EFS: variants seen among roughly 807,000 people sequenced by gnomAD.
EFS encodes embryonal Fyn-associated substrate.
EFS carries 34 observed loss-of-function variants against 42.2 expected under a neutral mutation model. The ratio of observed to expected loss-of-function variants is 0.81; its 90% confidence interval spans 0.61 to 1.07. EFS has a LOEUF of 1.07. Among genes scored for constraint, EFS ranks in the 50% least tolerant of loss-of-function variants. EFS has a pLI of 0.00. For missense variants in EFS, 717 were observed against 729.4 expected (o/e 0.98, Z 0.20); for synonymous variants, 299 against 320.7 (o/e 0.93, Z 0.72).
In EFS at chr14:23,360,780, C is replaced by G. The variant is rs1890126224; in HGVS notation, c.72G>C (p.Leu24=). 6.2e-7 allele frequency: 1 copy of G among 1,613,940 alleles called. No individual in the cohort carries two copies. The highest frequency in any genetic ancestry group is 1.3e-5 in the African/African-American group (1 of 75,048). ...GTAGGACATCCCCTCGGCGGAAGGA[C>G]AGCTCCTGGGGGGACTCAGCGGTGT... ...YDNTAESPQE[L]SFRRGDVLRV... is the part of the protein sequence containing the mutation. The change falls in exon 2 of 6, where the codon CTG becomes CTC. Residue 24 remains leucine (L), a synonymous_variant. Coordinates refer to ENST00000216733, the MANE Select transcript of EFS (RefSeq NM_005864.4).
At chr14:23,363,902 C>G (rs574992452) in intron 1 of EFS, among the ~76,000 whole-genome samples, 5 of 151,316 alleles carry the variant, frequency 3.3e-5, no homozygotes, top group Admixed American at 6.6e-5. Flanking sequence ...CCACTGCACT[C>G]CAGCCTGGGT....
In EFS at chr14:23,360,719, C is replaced by G; in HGVS notation, c.133G>C (p.Gly45Arg). 1 of 1,613,904 alleles carries G rather than the reference C, an allele frequency of 6.2e-7. No individual in the cohort carries two copies. The highest frequency in any genetic ancestry group is 1.7e-5 in the Admixed American group (1 of 60,016). Residue 45 changes from glycine to arginine, a missense_variant, in exon 2 of 6, where the codon GGC becomes CGC. Coordinates refer to ENST00000216733, the MANE Select transcript of EFS (RefSeq NM_005864.4). The stretch of plus-strand genomic sequence containing the variant: ...CCGTGTAGGGAGCAGAGGCACCAGC[C>G]GTCCAGTCCACCAGCGCCCTCTCTC... ...LQREGAGGLD[G>R]WCLCSLHGQQ...
Position 23,357,324 on chromosome 14 carries a change from G to T in EFS, c.1588C>A (p.Pro530Thr), listed in dbSNP as rs749527682. The change falls in exon 6 of 6, where the codon CCA (proline) becomes ACA (threonine). Residue 530 changes from proline (P) to threonine (T), a missense_variant. Pro to Thr is a conservative substitution (Grantham distance 38). Coordinates refer to ENST00000216733, the MANE Select transcript of EFS (RefSeq NM_005864.4). ...ATCTCTTGGATGGCAGGGCTGGATGGGTAGCCCAGGGCAGCTCCCTTGACA... is the reference window on the plus strand; with the variant it reads ...ATCTCTTGGATGGCAGGGCTGGATGTGTAGCCCAGGGCAGCTCCCTTGACA... ...LAVKGAALGY[P>T]SSPAIQEMVQ... 3 of 1,611,206 alleles carry T rather than the reference G, an allele frequency of 1.9e-6. No individual in the cohort carries two copies. The highest frequency in any genetic ancestry group is 2.2e-5 in the South Asian group (2 of 90,904).
intron 2 of EFS, 79 bp from the exon 3 acceptor site, chr14:23,360,360 G>C: frequency 6.5e-7 from 1 of 1,535,386 alleles, no homozygotes. Flanking sequence ...GAGGAGCTTA[G>C]AGACCTTCTA....
In EFS at chr14:23,358,932, C is replaced by A; in HGVS notation, c.1195G>T (p.Asp399Tyr). 1 of 1,613,172 alleles carries A rather than the reference C, an allele frequency of 6.2e-7. No homozygotes were observed. The highest frequency in any genetic ancestry group is 8.5e-7 in the Non-Finnish European group (1 of 1,179,642). Residue 399 changes from aspartate to tyrosine, a missense_variant, in exon 5 of 6, where the codon GAT becomes TAT. Coordinates refer to ENST00000216733, the MANE Select transcript of EFS (RefSeq NM_005864.4). ...TCAGGATCCCCTGTGCAGGCCTGAT[C>A]CGGGGGCCTAGATCCCTGAGCTTTG... Reference protein sequence around the residue: ...MDKAQGSRPPDQACTGDPELP... With the variant: ...MDKAQGSRPPYQACTGDPELP...
intron 1 of EFS, 36 bp downstream of exon 1, chr14:23,364,972 C>T: frequency 7.8e-7 from 1 of 1,284,464 alleles, no homozygotes; most frequent in Non-Finnish European, 9.9e-7. Flanking sequence ...CCGTGGAGGT[C>T]TCTCCCCGGC....
chr14:23,359,700 G>C lies in EFS; in HGVS notation c.778C>G (p.Pro260Ala). The change falls in exon 4 of 6, where the codon CCA (proline) becomes GCA (alanine). Residue 260 changes from proline to alanine, a missense_variant. Physicochemically the swap from Pro to Ala is conservative, Grantham distance 27. Transcript: ENST00000216733. ...GGCTCTGGAGAAGGGGGAGCCTCTG[G>C]CCCCAGCAGAGGCACATCGTAGATC... ...EGIYDVPLLG[P>A]EAPPSPEPPG... The C allele has an allele frequency of 1.3e-6, 2 of 1,514,202 alleles. No homozygotes were observed. Among genetic ancestry groups the C allele is most frequent in the South Asian group, 2.7e-5 (2 of 75,046 alleles). The allele number at this position is 1,514,202 out of a possible 1,614,324, so 93.8% of individuals were successfully genotyped here.
Position 23,358,960 on chromosome 14 carries a change from C to T in EFS, c.1167G>A (p.Met389Ile), listed in dbSNP as rs201280933. 205 of 1,610,434 alleles carry T rather than the reference C, an allele frequency of 1.3e-4. No homozygotes were observed. Among genetic ancestry groups the T allele is most frequent in the Non-Finnish European group, 1.7e-4 (197 of 1,178,372 alleles). Residue 389 changes from methionine to isoleucine, a missense_variant, in exon 5 of 6, where the codon ATG becomes ATA. Coordinates refer to ENST00000216733, the MANE Select transcript of EFS (RefSeq NM_005864.4). ...GGGGCCTAGATCCCTGAGCTTTGTC[C>T]ATGCCCTGCAGGAGGGGATCAGGTC... ...EEYDYVHLKG[M>I]DKAQGSRPPD... is the part of the protein sequence containing the mutation.
Position 23,359,256 on chromosome 14 carries a change from C to T in EFS, c.1161+61G>A, listed in dbSNP as rs192500553. 1,649 of 1,609,112 alleles carry T rather than the reference C, an allele frequency of 1.0e-3. 1 individual carries two copies. The highest frequency in any genetic ancestry group is 1.3e-3 in the Non-Finnish European group (1,551 of 1,179,088). ...GCTCTGCCTCTGTGCCCTAGGTCTC[C>T]ACACCCCTCCCCTTGGTCCCTCTGG... On this transcript the variant is annotated intron_variant, in intron 4 of 5. Coordinates refer to ENST00000216733, the MANE Select transcript of EFS (RefSeq NM_005864.4).
intron 1 of EFS, among the ~76,000 whole-genome samples, chr14:23,362,395 C>T (rs886640212): frequency 8.5e-5 from 13 of 152,148 alleles, no homozygotes; most frequent in African/African-American, 2.4e-4. Context: ...AGAAGGATGC[C>T]CTGCTAGAGT....
intron 1 of EFS, 40 bp from the exon 2 acceptor site, chr14:23,360,873 C>G (rs1426141492): frequency 2.5e-6 from 4 of 1,573,660 alleles, no homozygotes; most frequent in Non-Finnish European, 3.5e-6. Context: ...GGTCTTCAGA[C>G]CCCTTTCAGG....
At chr14:23,357,740 T>C (rs1889977310) in intron 5 of EFS, 80 bp from the exon 6 acceptor site, 4 of 1,271,034 alleles carry the variant, frequency 3.1e-6, no homozygotes, top group South Asian at 1.7e-5. Flanking sequence ...CCTTCCTCTC[T>C]TTCTTCCCAA....
In EFS at chr14:23,357,242, G is replaced by A; in HGVS notation, c.1670C>T (p.Thr557Ile). Residue 557 changes from threonine to isoleucine, a missense_variant, in exon 6 of 6, where the codon ACT (threonine) becomes ATT (isoleucine). By Grantham distance (89) the Thr-to-Ile change is moderately conservative. Coordinates refer to ENST00000216733, the MANE Select transcript of EFS (RefSeq NM_005864.4). ...AAAGGACCTTCATGGAGCCAGGCTA[G>A]TGAGCAGGGTAGTGAATTGCAGGGC... ...GQALQFTTLL[T>I]SLAP 3.9e-6 allele frequency: 6 copies of A among 1,553,616 alleles called. No individual in the cohort carries two copies. Among genetic ancestry groups the A allele is most frequent in the Non-Finnish European group, 5.3e-6 (6 of 1,141,978 alleles).
intron 1 of EFS, among the ~76,000 whole-genome samples, chr14:23,364,718 T>TAGG (rs916138847): frequency 1.3e-5 from 2 of 151,924 alleles, no homozygotes; most frequent in African/African-American, 4.8e-5. Flanking sequence ...AAGGAGCAGA[T>TAGG]AGGACTCGGG....
At chr14:23,363,633 T>C (rs920986066) in intron 1 of EFS, among the ~76,000 whole-genome samples, 7 of 151,948 alleles carry the variant, frequency 4.6e-5, no homozygotes, top group African/African-American at 7.3e-5. Flanking sequence ...TCGTTACAGA[T>C]TGAGGAACTA....
At position 23,356,983 on chromosome 14, in the gene EFS, C is replaced by G; in HGVS notation, c.*243G>C. 1 of 335,098 alleles carries G rather than the reference C, an allele frequency of 3.0e-6. No homozygotes were observed. Among genetic ancestry groups the G allele is most frequent in the Non-Finnish European group, 5.3e-6 (1 of 187,114 alleles). 20.8% of individuals were successfully genotyped at this position (335,098 alleles called of 1,614,324 possible). ...TTCCTCACTGCCCCAGAGCCTAGTA[C>G]CTGCTCCTGACAAAGCAGGGAATAA... On this transcript the variant is annotated 3_prime_UTR_variant, in exon 6 of 6. Coordinates refer to ENST00000216733, the MANE Select transcript of EFS (RefSeq NM_005864.4).
intron 5 of EFS, 97 bp downstream of exon 5, chr14:23,358,779 C>T (rs1890009638): frequency 2.6e-6 from 3 of 1,175,154 alleles, no homozygotes; most frequent in South Asian, 3.1e-5. Flanking sequence ...TCCATCCTAA[C>T]CTATTTCCTT....
rs1224232019 is a variant in EFS, at chr14:23,356,455, C to T, written c.*771G>A. 1 of 152,136 alleles carries T rather than the reference C, an allele frequency of 6.6e-6. No homozygotes were observed. Among genetic ancestry groups the T allele is most frequent in the African/African-American group, 2.4e-5 (1 of 41,416 alleles). The allele number at this position is 152,136 out of a possible 1,614,324, so 9.4% of individuals were successfully genotyped here. On this transcript the variant is annotated 3_prime_UTR_variant, in exon 6 of 6. Coordinates refer to ENST00000216733, the MANE Select transcript of EFS (RefSeq NM_005864.4). ...ATTTTAACTGACTTATTTGTGTATC[C>T]CACTAGAACAATACATTCACAATAT...
In EFS at chr14:23,359,980, A is replaced by T; in HGVS notation, c.498T>A (p.Pro166=). ...GGGTCAGAGGGTGGGAAAAGGAGGCAGGGCAGTCATAGGGGCCACTGGAGG... is the reference window on the plus strand; with the variant it reads ...GGGTCAGAGGGTGGGAAAAGGAGGCTGGGCAGTCATAGGGGCCACTGGAGG... ...RVPSSGPYDC[P]ASFSHPLTRV... The change falls in exon 4 of 6, where the codon CCT becomes CCA. Residue 166 remains proline, a synonymous_variant. Transcript: ENST00000216733. The T allele has an allele frequency of 6.3e-7, 1 of 1,585,902 alleles. No homozygotes were observed. The highest frequency in any genetic ancestry group is 8.6e-7 in the Non-Finnish European group (1 of 1,167,196).
Sources: allele counts gnomAD v4.1 joint callset (sites outside exome capture counted in the v4.1 genomes callset), GRCh38; gene constraint gnomAD v4.1.1; transcripts MANE v1.5; gene names NCBI Gene and HGNC (gene_info 2026-07-23, HGNC 2026-07-21).